The following BMPR1B variants were observed in gnomAD, a reference collection of about 807,000 sequenced individuals.
BMPR1B encodes bone morphogenetic protein receptor type-1B.
A neutral mutation model predicts 59.1 loss-of-function variants in BMPR1B; 12 were observed. The ratio of observed to expected loss-of-function variants is 0.20; its 90% CI spans 0.13 to 0.33. The LOEUF (loss-of-function observed/expected upper bound fraction) is 0.33. Among genes scored for constraint, BMPR1B ranks in the 10% least tolerant of loss-of-function variants. The pLI, the probability that BMPR1B is intolerant of heterozygous loss-of-function variation, is 1.00. For synonymous variants in BMPR1B, 237 were observed against 207.3 expected, an observed-to-expected ratio of 1.14 and a Z score of -1.23; for missense variants, 550 against 610.9, an observed-to-expected ratio of 0.90 and a Z score of 1.05.
Position 94,863,738 on chromosome 4 carries a change from G to A in BMPR1B, c.-182-12093G>A, listed in dbSNP as rs1227582955. Among the ~76,000 whole-genome samples the A allele has an allele frequency of 2.6e-5, 4 of 152,338 alleles. No individual in the cohort carries two copies. The East Asian group carries it at 7.7e-4, about 29-fold the overall frequency. On this transcript the variant is annotated intron_variant, in intron 1 of 12. Coordinates refer to ENST00000515059, the MANE Select transcript of BMPR1B (RefSeq NM_001203.3). The stretch of plus-strand genomic sequence containing the variant: ...CTTGAATCGTATGTGATGGGAACCA[G>A]ACTCAAACTTATTTCAGAAATAGTG...
intron 4 of BMPR1B, among the ~76,000 whole-genome samples, chr4:95,109,748 G>C (rs1455937324): frequency 6.6e-6 from 1 of 151,304 alleles, no homozygotes; most frequent in Non-Finnish European, 1.5e-5. Context: ...GGGGACGTGT[G>C]CACAATGTGC....
chr4:94,993,729 C>G (rs1353034321), intron 2 of BMPR1B, among the ~76,000 whole-genome samples: 2 of 141,812 alleles, frequency 1.4e-5, no homozygotes, highest in African/African-American at 5.3e-5. Flanking sequence ...TCACTGCGCT[C>G]CAGCCTGGGC....
intron 2 of BMPR1B, among the ~76,000 whole-genome samples, chr4:94,877,127 T>C (rs1297729423): frequency 6.6e-6 from 1 of 152,190 alleles, no homozygotes; most frequent in African/African-American, 2.4e-5. Context: ...CCACATATTA[T>C]GCCACTGTGC....
At chr4:94,873,609 C>T (rs1726591706) in intron 1 of BMPR1B, among the ~76,000 whole-genome samples, 1 of 152,158 alleles carries the variant, frequency 6.6e-6, no homozygotes, top group Admixed American at 6.5e-5. Context: ...GGGGTTTCAC[C>T]ATGTTGGCCA....
intron 6 of BMPR1B, among the ~76,000 whole-genome samples, chr4:95,121,237 T>C (rs756343300): frequency 6.6e-6 from 1 of 152,186 alleles, no homozygotes; most frequent in Non-Finnish European, 1.5e-5. Flanking sequence ...GTAAAAGACC[T>C]CTACAAGGAG....
At position 95,156,622 on chromosome 4, in the gene BMPR1B, T is replaced by C. The variant is rs1735441022; in HGVS notation, c.*1949T>C. Reference sequence around the variant, plus strand: ...TTCATAGCTGCATTTTGTTTGTAACTAAGACAGAAGAATTTCGTAATCCTT... The same window carrying C: ...TTCATAGCTGCATTTTGTTTGTAACCAAGACAGAAGAATTTCGTAATCCTT... On this transcript the variant is annotated 3_prime_UTR_variant, in exon 13 of 13. Transcript: ENST00000515059. The C allele has an allele frequency of 6.6e-6, 1 of 151,574 alleles. No homozygotes were observed. Among genetic ancestry groups the C allele is most frequent in the Non-Finnish European group, 1.5e-5 (1 of 67,874 alleles). 9.4% of individuals were successfully genotyped at this position (151,574 alleles called of 1,614,324 possible). A position where few individuals can be genotyped will look rare whatever the true frequency, so the allele number is the denominator to read the frequency against.
chr4:95,081,988 TTTATTA>T (rs529123933), intron 3 of BMPR1B, among the ~76,000 whole-genome samples: 3 of 151,730 alleles, frequency 2.0e-5, no homozygotes, highest in Non-Finnish European at 4.4e-5. Context: ...ATTATACTTT[TTTATTA>T]TTATTATACT....
intron 3 of BMPR1B, among the ~76,000 whole-genome samples, chr4:95,095,562 A>G (rs1179409086): frequency 6.6e-6 from 1 of 152,100 alleles, no homozygotes; most frequent in Non-Finnish European, 1.5e-5. Context: ...TCTGGTGTAG[A>G]AGGTGAAGAA....
At position 95,104,453 on chromosome 4, in the gene BMPR1B, A is replaced by T; in HGVS notation, c.29A>T (p.Asn10Ile). 1 of 1,613,414 alleles carries T rather than the reference A, an allele frequency of 6.2e-7. No individual in the cohort carries two copies. The highest frequency in any genetic ancestry group is 8.5e-7 in the Non-Finnish European group (1 of 1,179,596). Reference sequence around the variant, plus strand: ...CTTTTGCGAAGTGCAGGAAAATTAAATGTGGGCACCAAGAAAGAGGATGGT... The same window carrying T: ...CTTTTGCGAAGTGCAGGAAAATTAATTGTGGGCACCAAGAAAGAGGATGGT... Reference protein sequence around the residue: MLLRSAGKLNVGTKKEDGES... With the variant: MLLRSAGKLIVGTKKEDGES... Residue 10 changes from asparagine (N) to isoleucine (I), a missense_variant, in exon 4 of 13, where the codon AAT (asparagine) becomes ATT (isoleucine). Around this residue, in one of 6 missense-constraint regions of BMPR1B, gnomAD observed 43 missense variants for 35.4 expected, o/e 1.22. Transcript: ENST00000515059.
intron 1 of BMPR1B, among the ~76,000 whole-genome samples, chr4:94,792,798 G>A (rs1723032437): frequency 6.6e-6 from 1 of 152,054 alleles, no homozygotes; most frequent in African/African-American, 2.4e-5. Context: ...TAATTATGGA[G>A]AAAATACAAC....
chr4:95,017,865 T>C (rs1272591530), intron 3 of BMPR1B, among the ~76,000 whole-genome samples: 1 of 152,152 alleles, frequency 6.6e-6, no homozygotes, highest in East Asian at 1.9e-4. Context: ...TGCTCTATAG[T>C]TGTGGAAACT....
intron 2 of BMPR1B, among the ~76,000 whole-genome samples, chr4:94,973,292 A>T (rs555506896): frequency 6.6e-6 from 1 of 152,180 alleles, no homozygotes; most frequent in Non-Finnish European, 1.5e-5. Context: ...AGCCTTTTGT[A>T]TCCACACTCA....
intron 3 of BMPR1B, among the ~76,000 whole-genome samples, chr4:95,098,952 G>A (rs559486951): frequency 1.3e-5 from 2 of 152,180 alleles, no homozygotes; most frequent in South Asian, 2.1e-4. Flanking sequence ...CCCTGACCTC[G>A]TGATCTGCCT....
intron 1 of BMPR1B, among the ~76,000 whole-genome samples, chr4:94,769,874 T>C (rs1028208267): frequency 6.6e-6 from 1 of 152,246 alleles, no homozygotes; most frequent in Non-Finnish European, 1.5e-5. Context: ...ACCACAGTGC[T>C]CAGCCATTAG....
chr4:95,009,949 G>A (rs1009674879), intron 3 of BMPR1B, among the ~76,000 whole-genome samples: 4 of 152,144 alleles, frequency 2.6e-5, no homozygotes, highest in Admixed American at 1.3e-4. Context: ...TAGTACAACC[G>A]AGCGAGACCA....
At chr4:94,830,593 A>G (rs1221007819) in intron 1 of BMPR1B, among the ~76,000 whole-genome samples, 1 of 152,198 alleles carries the variant, frequency 6.6e-6, no homozygotes, top group Admixed American at 6.5e-5. Flanking sequence ...TCTAGATACT[A>G]CCATATATCT....
chr4:94,763,330 C>A (rs550371200), intron 1 of BMPR1B, among the ~76,000 whole-genome samples: 2 of 152,318 alleles, frequency 1.3e-5, no homozygotes, highest in Non-Finnish European at 2.9e-5. Flanking sequence ...CGGGATGTTA[C>A]ACATCATTGT....
chr4:94,969,348 T>A (rs1457829519), intron 2 of BMPR1B, among the ~76,000 whole-genome samples: 2 of 152,148 alleles, frequency 1.3e-5, no homozygotes, highest in Non-Finnish European at 2.9e-5. Context: ...TCCTGAGTTT[T>A]CTAAATGGTC....
chr4:95,136,610 G>T (rs1037176995), intron 10 of BMPR1B, among the ~76,000 whole-genome samples: 3 of 152,102 alleles, frequency 2.0e-5, no homozygotes, highest in African/African-American at 7.2e-5. Flanking sequence ...TCTATTCAGG[G>T]ATTCAGCTTC....
Sources: gnomAD v4.1 joint callset for allele counts (sites outside exome capture counted in the v4.1 genomes callset) on GRCh38, gnomAD v4.1.1 for gene constraint, gnomAD v4.1.1 regional missense constraint, MANE v1.5 for transcripts, NCBI Gene and HGNC (gene_info 2026-07-23, HGNC 2026-07-21) for gene names.